KIF20B: variants seen among roughly 807,000 people sequenced by gnomAD.
The protein encoded by KIF20B is kinesin family member 20B, also known as kinesin-like protein KIF20B.
Under a neutral mutation model 232.5 loss-of-function variants are expected in KIF20B, and 188 were observed. That is an observed-to-expected ratio of 0.81 (90% CI 0.72 to 0.91). The LOEUF (loss-of-function observed/expected upper bound fraction) is 0.91. Ranked by LOEUF, KIF20B falls within the 40% of genes least tolerant of loss-of-function variation. The pLI is 0.00. For missense variants in KIF20B, 2,154 were observed against 2,055.9 expected, an observed-to-expected ratio of 1.05 and a Z score of -0.92; for synonymous variants, 712 against 683.0, an observed-to-expected ratio of 1.04 and a Z score of -0.66.
chr10:89,737,968 C>A lies in KIF20B; in HGVS notation c.3127C>A (p.Arg1043=). Residue 1043 remains arginine (R), a synonymous_variant, in exon 20 of 33, where the codon CGA becomes AGA. Coordinates refer to ENST00000371728, the MANE Select transcript of KIF20B (RefSeq NM_001284259.2). The part of the protein sequence containing the change: ...YLVSKQVKEY[R]IQEPNRENSF... ...GGTAAGTAAGCAAGTTAAAGAATAT[C>A]GAATTCAAGAACCCAATAGGGAAAA... 2 of 1,612,830 alleles carry A rather than the reference C, an allele frequency of 1.2e-6. No individual in the cohort carries two copies. The highest frequency in any genetic ancestry group is 8.5e-7 in the Non-Finnish European group (1 of 1,179,332).
intron 29 of KIF20B, among the ~76,000 whole-genome samples, chr10:89,763,058 G>T (rs185325965): frequency 2.6e-4 from 40 of 152,234 alleles, no homozygotes; most frequent in African/African-American, 8.9e-4. Flanking sequence ...GGGGCTGGCG[G>T]ATCACTTGAG....
At chr10:89,725,915 G>A (rs1263465803) in intron 15 of KIF20B, among the ~76,000 whole-genome samples, 1 of 152,082 alleles carries the variant, frequency 6.6e-6, no homozygotes, top group Non-Finnish European at 1.5e-5. Flanking sequence ...CAAACCTTAT[G>A]TATCCTTGAC....
intron 1 of KIF20B, among the ~76,000 whole-genome samples, chr10:89,704,892 A>G (rs926451659): frequency 1.3e-5 from 2 of 152,266 alleles, no homozygotes; most frequent in Admixed American, 1.3e-4. Context: ...ATGCTAAAAC[A>G]AAGTCTGTAA....
chr10:89,763,249 C>T (rs1185058217), intron 29 of KIF20B, among the ~76,000 whole-genome samples: 1 of 152,228 alleles, frequency 6.6e-6, no homozygotes, highest in East Asian at 1.9e-4. Context: ...CCACTGCACT[C>T]CAGCCTGGGT....
intron 31 of KIF20B, among the ~76,000 whole-genome samples, chr10:89,772,449 A>G (rs976630387): frequency 1.3e-5 from 2 of 151,998 alleles, no homozygotes; most frequent in Non-Finnish European, 2.9e-5. Flanking sequence ...ACATTAATCA[A>G]ATGATACTTT....
rs942538562 is a variant in KIF20B at position 89,710,021 on chromosome 10, T to C, written c.446T>C (p.Phe149Ser). The change falls in exon 5 of 33, where the codon TTT (phenylalanine) becomes TCT (serine). Residue 149 changes from phenylalanine (F) to serine (S), a missense_variant. Physicochemically the swap from Phe to Ser is radical, Grantham distance 155 (BLOSUM62 -2). Transcript: ENST00000371728. ...TTGAAAGGACAGAGTCGTCTGATTTTTACTTACGGGCTAACCAATTCAGGA... is the reference window on the plus strand; with the variant it reads ...TTGAAAGGACAGAGTCGTCTGATTTCTACTTACGGGCTAACCAATTCAGGA... ...DLLKGQSRLI[F>S]TYGLTNSGKT... The C allele has an allele frequency of 3.7e-6, 6 of 1,610,966 alleles. No individual in the cohort carries two copies. The highest frequency in any genetic ancestry group is 5.1e-6 in the Non-Finnish European group (6 of 1,178,626).
chr10:89,745,557 A>G (rs72818768), intron 22 of KIF20B, among the ~76,000 whole-genome samples: 27,217 of 149,812 alleles, frequency 0.18, 2,730 homozygotes, highest in Non-Finnish European at 0.24. Flanking sequence ...ATAAATAAAG[A>G]CATATAAAGT....
At chr10:89,755,439 T>C (rs1773776678) in intron 26 of KIF20B, among the ~76,000 whole-genome samples, 1 of 93,808 alleles carries the variant, frequency 1.1e-5, no homozygotes, top group African/African-American at 4.2e-5. Context: ...CCCCTTTCCT[T>C]CCCTCCCCCC....
chr10:89,709,468 C>G lies in KIF20B; in HGVS notation c.351+7C>G. 1 of 1,575,536 alleles carries G rather than the reference C, an allele frequency of 6.3e-7. No individual in the cohort carries two copies. The highest frequency in any genetic ancestry group is 8.7e-7 in the Non-Finnish European group (1 of 1,147,048). ...GAAATTCAGTTTTTCCAAGGTAAAA[C>G]TGAAGTGTTTTTGTTTTTTGTTTTA... On this transcript the variant is annotated splice_region_variant and intron_variant, in intron 4 of 32. Coordinates refer to ENST00000371728, the MANE Select transcript of KIF20B (RefSeq NM_001284259.2).
chr10:89,759,136 T>C (rs1842189634), intron 27 of KIF20B, among the ~76,000 whole-genome samples: 1 of 152,080 alleles, frequency 6.6e-6, no homozygotes, highest in South Asian at 2.1e-4. Context: ...TTAGTATTTC[T>C]AATTACTTTG....
chr10:89,711,868 G>A (rs1842843031), intron 6 of KIF20B, among the ~76,000 whole-genome samples: 1 of 151,674 alleles, frequency 6.6e-6, no homozygotes, highest in Non-Finnish European at 1.5e-5. Flanking sequence ...CATTTGTATT[G>A]TTTCTGTGTT....
At chr10:89,767,712 A>G (rs1017607853) in intron 29 of KIF20B, among the ~76,000 whole-genome samples, 9 of 152,074 alleles carry the variant, frequency 5.9e-5, no homozygotes, top group Non-Finnish European at 1.3e-4. Context: ...AAGAAAGATA[A>G]TATTTTAAAA....
intron 19 of KIF20B, among the ~76,000 whole-genome samples, chr10:89,736,117 C>G (rs181900759): frequency 3.0e-4 from 45 of 152,118 alleles, no homozygotes; most frequent in Non-Finnish European, 6.6e-4. Context: ...TGTACCAGAA[C>G]AATGTTGTAA....
intron 4 of KIF20B, 22 bp from the exon 5 acceptor site, chr10:89,709,905 T>C (rs368756216): frequency 1.3e-5 from 20 of 1,548,978 alleles, no homozygotes; most frequent in Admixed American, 2.1e-5. Flanking sequence ...CTAAAAAGAG[T>C]TTTTAAAAAA....
At chr10:89,768,613 C>T (rs7912458) in intron 30 of KIF20B, 125 bp from the exon 31 acceptor site, 712,266 of 945,016 alleles carry the variant, frequency 0.75, 270,803 homozygotes, top group East Asian at 0.94. Flanking sequence ...CCTGTCCTTA[C>T]ATACTTAAAG....
chr10:89,760,528 AAC>A lies in KIF20B; in HGVS notation c.4687_4688del (p.Gln1563AsnfsTer10), dbSNP rs772711784. 2.5e-6 allele frequency: 4 copies of A among 1,603,652 alleles called. No individual in the cohort carries two copies. The East Asian group carries it at 6.7e-5, about 27-fold the overall frequency. On this transcript the variant is annotated frameshift_variant, in exon 28 of 33. Coordinates refer to ENST00000371728, the MANE Select transcript of KIF20B (RefSeq NM_001284259.2). LOFTEE classifies it high-confidence loss of function. ...RIISETSKIE[T>X]QIMDIKPKRI... The stretch of plus-strand genomic sequence containing the variant: ...GCTTTAATATTTCCTTACTTTAGGA[AAC>A]ACAAATCATGGATATCAAGCCCAAA...
At chr10:89,762,372 C>T (rs1021810703) in intron 28 of KIF20B, among the ~76,000 whole-genome samples, 7 of 152,072 alleles carry the variant, frequency 4.6e-5, no homozygotes, top group Non-Finnish European at 8.8e-5. Context: ...TGGTAGAGTC[C>T]AGGAGTCTTT....
chr10:89,732,540 A>G (rs1182900221), intron 18 of KIF20B, among the ~76,000 whole-genome samples: 1 of 152,056 alleles, frequency 6.6e-6, no homozygotes, highest in African/African-American at 2.4e-5. Flanking sequence ...ATATATATCG[A>G]CTTAAAGCTA....
chr10:89,747,550 A>G (rs3927484), intron 23 of KIF20B, among the ~76,000 whole-genome samples: 114,051 of 147,782 alleles, frequency 0.77, 44,401 homozygotes, highest in South Asian at 0.93. Context: ...GGAATACTAC[A>G]CAGCCATAAA....
Sources: gnomAD v4.1 joint callset for allele counts (sites outside exome capture counted in the v4.1 genomes callset) on GRCh38, gnomAD v4.1.1 for gene constraint, MANE v1.5 for transcripts, NCBI Gene and HGNC (gene_info 2026-07-23, HGNC 2026-07-21) for gene names.